TTC21A: variants seen among roughly 807,000 people sequenced by gnomAD.
The protein encoded by TTC21A is tetratricopeptide repeat protein 21A.
In TTC21A, 128 loss-of-function variants were observed where a neutral mutation model predicts 156.4. The ratio of observed to expected loss-of-function variants is 0.82; its 90% CI spans 0.71 to 0.95. The LOEUF (loss-of-function observed/expected upper bound fraction) is 0.95. Among genes scored for constraint, TTC21A ranks in the 40% least tolerant of loss-of-function variants. The pLI, the probability that TTC21A is intolerant of heterozygous loss-of-function variation, is 0.00. For synonymous variants in TTC21A, 587 were observed against 617.1 expected (o/e 0.95, Z 0.72); for missense variants, 1,435 against 1,602.3 (o/e 0.90, Z 1.78).
At chr3:39,108,753 C>T (rs781097074) in intron 1 of TTC21A, among the ~76,000 whole-genome samples, 1 of 152,200 alleles carries the variant, frequency 6.6e-6, no homozygotes, top group East Asian at 1.9e-4. Context: ...AACTACAATT[C>T]GTATAATTTT....
chr3:39,129,297 A>G lies in TTC21A; in HGVS notation c.2122A>G (p.Ile708Val), dbSNP rs371649730. 8.7e-6 allele frequency: 14 copies of G among 1,613,696 alleles called. No individual in the cohort carries two copies. In the African/African-American group the frequency reaches 9.3e-5, roughly 11 times the overall value. The change falls in exon 15 of 29, where the codon ATC becomes GTC. Residue 708 changes from isoleucine to valine, a missense_variant. Transcript: ENST00000683103. Reference sequence around the variant, plus strand: ...GACCCTCAGAGACAGGCGCCTCTACATCAGATGCTACCGGTAAGCCCCACA... The same window carrying G: ...GACCCTCAGAGACAGGCGCCTCTACGTCAGATGCTACCGGTAAGCCCCACA... The part of the protein sequence containing the change: ...LQTLRDRRLY[I>V]RCYRELCEHL...
chr3:39,111,128 C>A, intron 4 of TTC21A, 111 bp downstream of exon 4: 3 of 1,238,224 alleles, frequency 2.4e-6, no homozygotes, highest in East Asian at 2.4e-5. Flanking sequence ...AGAGCCACAC[C>A]CAGGCACTGG....
chr3:39,109,193 G>A lies in TTC21A; in HGVS notation c.136G>A (p.Ala46Thr), dbSNP rs768159260. The A allele has an allele frequency of 8.1e-6, 13 of 1,613,936 alleles. No individual in the cohort carries two copies. The East Asian group carries it at 2.9e-4, about 36-fold the overall frequency. The part of the protein sequence containing the change: ...SNDPVLKFFK[A>T]YGVLKEEHIQ... ...TGACCCTGTGTTGAAGTTCTTTAAA[G>A]CCTATGGAGTCCTCAAAGAAGGTAA... Residue 46 changes from alanine (A) to threonine (T), a missense_variant, in exon 2 of 29, where the codon GCC (alanine) becomes ACC (threonine). Coordinates refer to ENST00000683103, the MANE Select transcript of TTC21A (RefSeq NM_001366900.1).
chr3:39,129,499 GGATACA>G (rs2038557250), intron 15 of TTC21A, among the ~76,000 whole-genome samples, 189 bp downstream of exon 15: 1 of 152,242 alleles, frequency 6.6e-6, no homozygotes, highest in Non-Finnish European at 1.5e-5. Flanking sequence ...TCATGGATGA[GGATACA>G]GAATCGAATT....
intron 9 of TTC21A, among the ~76,000 whole-genome samples, chr3:39,123,736 T>A (rs1258495404): frequency 6.6e-6 from 1 of 151,636 alleles, no homozygotes; most frequent in African/African-American, 2.4e-5. Context: ...ACATAAAAGC[T>A]TAAAATTACT....
intron 5 of TTC21A, 167 bp downstream of exon 5, chr3:39,112,747 C>A: frequency 1.9e-6 from 1 of 534,452 alleles, no homozygotes; most frequent in Non-Finnish European, 2.4e-6. Context: ...GGTTACACAG[C>A]AGTCCAAGGT....
Position 39,126,359 on chromosome 3 carries a change from G to A in TTC21A, c.1491G>A (p.Leu497=), listed in dbSNP as rs1381910346. The A allele has an allele frequency of 1.2e-6, 2 of 1,613,914 alleles. No homozygotes were observed. The highest frequency in any genetic ancestry group is 1.7e-6 in the Non-Finnish European group (2 of 1,180,006). Reference sequence around the variant, plus strand: ...CAGCACCAGCTCTGATCGACCCCCTGTATTTGATGGCTCAGGTCAGGTATT... The same window carrying A: ...CAGCACCAGCTCTGATCGACCCCCTATATTTGATGGCTCAGGTCAGGTATT... ...VKAAPALIDP[L]YLMAQVRYYS... The change falls in exon 12 of 29, where the codon CTG becomes CTA. Residue 497 remains leucine (L), a synonymous_variant. Coordinates refer to ENST00000683103, the MANE Select transcript of TTC21A (RefSeq NM_001366900.1).
rs1246309182 is a variant in TTC21A at position 39,136,610 on chromosome 3, C to A, written c.3095+103C>A. 5.7e-6 allele frequency: 8 copies of A among 1,411,804 alleles called. No individual in the cohort carries two copies. The African/African-American group carries it at 1.1e-4, about 20-fold the overall frequency. 87.5% of individuals were successfully genotyped at this position (1,411,804 alleles called of 1,614,324 possible). On this transcript the variant is annotated intron_variant, in intron 23 of 28. Transcript: ENST00000683103. ...CACAAAAGGAGCAGAAATTCTGCCT[C>A]CAGGACACCCGGACCCAGCAAGTGA...
At chr3:39,112,692 G>A (rs931457072) in intron 5 of TTC21A, 112 bp downstream of exon 5, 10 of 1,478,962 alleles carry the variant, frequency 6.8e-6, no homozygotes, top group South Asian at 5.5e-5. Context: ...GCCTCATCTC[G>A]TAGATAAAGA....
rs368293409 is a variant in TTC21A, at chr3:39,129,230, C to T, written c.2055C>T (p.Cys685=). 3.7e-6 allele frequency: 6 copies of T among 1,614,088 alleles called. No homozygotes were observed. In the African/African-American group the frequency reaches 8.0e-5, roughly 22 times the overall value. ...GGAACATCTTGCCCAAGCAGTCCTG[C>T]TATATGGAAGCCAGAGAGAAGATGG... ...MLRNILPKQS[C]YMEAREKMAN... The change falls in exon 15 of 29, where the codon TGC becomes TGT. Residue 685 remains cysteine, a synonymous_variant. Transcript: ENST00000683103.
rs1203812233 is a variant in TTC21A at position 39,134,907 on chromosome 3, G to A, written c.2863-186G>A. 4 of 611,592 alleles carry A rather than the reference G, an allele frequency of 6.5e-6. No homozygotes were observed. The highest frequency in any genetic ancestry group is 1.8e-5 in the African/African-American group (1 of 54,114). 37.9% of individuals were successfully genotyped at this position (611,592 alleles called of 1,614,324 possible). A position where few individuals can be genotyped will look rare whatever the true frequency, so the allele number is the denominator to read the frequency against. On this transcript the variant is annotated intron_variant, in intron 21 of 28. Coordinates refer to ENST00000683103, the MANE Select transcript of TTC21A (RefSeq NM_001366900.1). The surrounding 1 kb of genome is among the most constrained non-coding windows in gnomAD (Gnocchi z 4.6). ...ACCTTGGGAAGTCCTCACCTTCTGG[G>A]TGGGGGCCTGAGAAACCCTCAGGCT...
intron 5 of TTC21A, among the ~76,000 whole-genome samples, chr3:39,113,601 G>A (rs780245742): frequency 6.6e-6 from 1 of 152,228 alleles, no homozygotes; most frequent in Non-Finnish European, 1.5e-5. Flanking sequence ...GATGGTAGGG[G>A]GTGGGTCACA....
chr3:39,127,150 G>A (rs139336129), intron 12 of TTC21A, among the ~76,000 whole-genome samples: 1 of 152,270 alleles, frequency 6.6e-6, no homozygotes, highest in Admixed American at 6.5e-5. Flanking sequence ...ACTCTTCCAT[G>A]GGTGCTCTAT....
At chr3:39,124,336 G>GA (rs2038026852) in intron 9 of TTC21A, among the ~76,000 whole-genome samples, 1 of 152,082 alleles carries the variant, frequency 6.6e-6, no homozygotes, top group African/African-American at 2.4e-5. Context: ...GAAGAGATGG[G>GA]AAAATATGAC....
In TTC21A at chr3:39,125,355, C is replaced by G; in HGVS notation, c.1215C>G (p.Leu405=). 6.2e-7 allele frequency: 1 copy of G among 1,614,124 alleles called. No homozygotes were observed. The highest frequency in any genetic ancestry group is 8.5e-7 in the Non-Finnish European group (1 of 1,180,030). ...AGGTGCTAATTTTCCTCCAAGCCCTCCTGATGTCCAGGAAGCACAAGGGGG... is the reference window on the plus strand; with the variant it reads ...AGGTGCTAATTTTCCTCCAAGCCCTGCTGATGTCCAGGAAGCACAAGGGGG... ...KSEVLIFLQA[L]LMSRKHKGEE... The change falls in exon 11 of 29, where the codon CTC becomes CTG. Residue 405 remains leucine, a synonymous_variant. Transcript: ENST00000683103.
intron 1 of TTC21A, chr3:39,108,115 C>T: frequency 5.1e-6 from 3 of 584,654 alleles, no homozygotes; most frequent in South Asian, 4.3e-5. Flanking sequence ...ATCATTATCC[C>T]TTCTTGTCAT....
At chr3:39,121,274 A>G in intron 9 of TTC21A, 85 bp downstream of exon 9, 2 of 1,240,012 alleles carry the variant, frequency 1.6e-6, no homozygotes, top group Non-Finnish European at 2.3e-6. Context: ...GAGGTGCTGG[A>G]AAGCATTCTC....
chr3:39,107,944 C>A (rs2036365861), intron 1 of TTC21A, 80 bp downstream of exon 1: 1 of 1,541,668 alleles, frequency 6.5e-7, no homozygotes, highest in Non-Finnish European at 8.9e-7. Context: ...CTGCTACTCT[C>A]CTGCCACCCT....
At position 39,111,163 on chromosome 3, in the gene TTC21A, C is replaced by A. The variant is rs114460009; in HGVS notation, c.435+146C>A. On this transcript the variant is annotated intron_variant, in intron 4 of 28. Transcript: ENST00000683103. Reference sequence around the variant, plus strand: ...GCAAAACACCGGGTCTCACAGTTGCCCCACGCGTGTTGTCTCTGGGCTTAG... The same window carrying A: ...GCAAAACACCGGGTCTCACAGTTGCACCACGCGTGTTGTCTCTGGGCTTAG... The A allele has an allele frequency of 1.4e-3, 1,158 of 814,726 alleles. 9 individuals carry two copies. In the African/African-American group the frequency reaches 0.018, roughly 13 times the overall value. 50.5% of individuals were successfully genotyped at this position (814,726 alleles called of 1,614,324 possible). A position where few individuals can be genotyped will look rare whatever the true frequency, so the allele number is the denominator to read the frequency against.
Sources: allele counts gnomAD v4.1 joint callset (sites outside exome capture counted in the v4.1 genomes callset), GRCh38; gene constraint gnomAD v4.1.1; non-coding constraint Gnocchi (gnomAD v3.1); transcripts MANE v1.5; gene names NCBI Gene and HGNC (gene_info 2026-07-23, HGNC 2026-07-21).